SLC36A2: variants seen among roughly 807,000 people sequenced by gnomAD.
The protein encoded by SLC36A2 is proton-coupled amino acid transporter 2.
Under a neutral mutation model 42.7 loss-of-function variants are expected in SLC36A2, and 39 were observed. The ratio of observed to expected loss-of-function variants is 0.91; its 90% CI spans 0.71 to 1.19. SLC36A2 has a LOEUF of 1.19. Ranked by LOEUF, SLC36A2 falls within the 50% of genes most tolerant of loss-of-function variation. The probability of loss-of-function intolerance (pLI) is 0.00; values close to 1 mark genes in which losing one functional copy is unlikely to be tolerated. For synonymous variants in SLC36A2, 237 were observed against 240.8 expected (o/e 0.98, Z 0.15); for missense variants, 590 against 613.7 (o/e 0.96, Z 0.41).
chr5:151,317,596 A>G (rs1187135156), intron 9 of SLC36A2, among the ~76,000 whole-genome samples: 2 of 151,932 alleles, frequency 1.3e-5, no homozygotes, highest in African/African-American at 4.8e-5. Flanking sequence ...AGCCAGGCAT[A>G]GTGGCACATT....
In SLC36A2 at chr5:151,335,527, G is replaced by A. The variant is rs141062628; in HGVS notation, c.546C>T (p.Ser182=). The A allele has an allele frequency of 3.0e-5, 48 of 1,613,824 alleles. No homozygotes were observed. The African/African-American group carries it at 6.1e-4, about 21-fold the overall frequency. Residue 182 remains serine, a synonymous_variant, in exon 6 of 10, where the codon AGC becomes AGT. Transcript: ENST00000335244. The part of the protein sequence containing the change: ...NLKQVVEAVN[S]TTNNCYSNET... ...CATTGGAATAGCAGTTGTTGGTTGTGCTATTAACAGCTTCCACTACCTGAG... is the reference window on the plus strand; with the variant it reads ...CATTGGAATAGCAGTTGTTGGTTGTACTATTAACAGCTTCCACTACCTGAG...
chr5:151,317,033 G>A lies in SLC36A2; in HGVS notation c.1236C>T (p.Ser412=), dbSNP rs139985763. 5.6e-6 allele frequency: 9 copies of A among 1,613,968 alleles called. No individual in the cohort carries two copies. Among genetic ancestry groups the A allele is most frequent in the Admixed American group, 5.0e-5 (3 of 60,002 alleles). ...TGAGGGCCAGGGCGGTGCCACTCAC[G>A]GAGCCCACCAGGGAGATGACCAGGT... is the stretch of plus-strand genomic sequence containing the variant. ...RLDLVISLVG[S]VSGTALALII... is the part of the protein sequence containing the mutation. Residue 412 remains serine (S), a synonymous_variant, in exon 10 of 10, where the codon TCC becomes TCT. Transcript: ENST00000335244.
At chr5:151,334,677 CGA>C (rs1561657645) in intron 6 of SLC36A2, among the ~76,000 whole-genome samples, 1 of 151,400 alleles carries the variant, frequency 6.6e-6, no homozygotes, top group Non-Finnish European at 1.5e-5. Context: ...GGTGAAAGAT[CGA>C]GAGTCTGTCT....
chr5:151,338,852 A>G (rs1242216688), intron 5 of SLC36A2: 2 of 469,490 alleles, frequency 4.3e-6, no homozygotes, highest in Non-Finnish European at 8.2e-6. Context: ...GAACAGGTCT[A>G]AGATACCGGA....
chr5:151,324,310 T>TTTA (rs1755789898), intron 8 of SLC36A2, among the ~76,000 whole-genome samples: 2 of 115,534 alleles, frequency 1.7e-5, no homozygotes, highest in African/African-American at 7.8e-5. Flanking sequence ...GCCTGGCTTA[T>TTTA]TTATTTATTT....
At chr5:151,340,403 G>C (rs912584371) in intron 4 of SLC36A2, among the ~76,000 whole-genome samples, 1 of 152,184 alleles carries the variant, frequency 6.6e-6, no homozygotes, top group Admixed American at 6.5e-5. Context: ...GGAGACGTTC[G>C]GGACACAACT....
intron 9 of SLC36A2, among the ~76,000 whole-genome samples, chr5:151,318,530 ATTATTTATAAATAT>A (rs1259968208): frequency 2.8e-5 from 4 of 143,716 alleles, no homozygotes; most frequent in African/African-American, 1.0e-4. Context: ...AAATATAATA[ATTATTTATAAATAT>A]TTATTTATAA....
At chr5:151,321,439 C>G (rs1041768633) in intron 9 of SLC36A2, among the ~76,000 whole-genome samples, 1 of 151,258 alleles carries the variant, frequency 6.6e-6, no homozygotes, top group African/African-American at 2.4e-5. Flanking sequence ...CTGCCTTGAC[C>G]TCTCAAAGTG....
At chr5:151,318,478 ATT>A (rs1755575559) in intron 9 of SLC36A2, among the ~76,000 whole-genome samples, 2 of 142,510 alleles carry the variant, frequency 1.4e-5, no homozygotes, top group African/African-American at 5.1e-5. Flanking sequence ...AATAAAATAT[ATT>A]TTATATATTT....
chr5:151,335,984 CAG>C (rs1756144147), intron 5 of SLC36A2, among the ~76,000 whole-genome samples: 1 of 146,240 alleles, frequency 6.8e-6, no homozygotes, highest in Non-Finnish European at 1.5e-5. Flanking sequence ...GCCTGGGCAA[CAG>C]AGTAAGGCCC....
intron 8 of SLC36A2, among the ~76,000 whole-genome samples, chr5:151,324,125 T>C (rs1286545258): frequency 6.6e-6 from 1 of 152,174 alleles, no homozygotes; most frequent in African/African-American, 2.4e-5. Flanking sequence ...CAGATTCCAA[T>C]GGTCTTCCCA....
At position 151,326,812 on chromosome 5, in the gene SLC36A2, C is replaced by CTTTTTTTTTTTTTTT. The variant is rs5872202; in HGVS notation, c.844-1361_844-1360insAAAAAAAAAAAAAAA. Among the ~76,000 whole-genome samples the CTTTTTTTTTTTTTTT allele has an allele frequency of 3.5e-5, 5 of 142,282 alleles. 1 individual carries two copies. Among genetic ancestry groups the CTTTTTTTTTTTTTTT allele is most frequent in the Non-Finnish European group, 6.0e-5 (4 of 66,232 alleles). 93.3% of individuals were successfully genotyped at this position (142,282 alleles called of 152,430 possible). The stretch of plus-strand genomic sequence containing the variant: ...TGAAAACGGGCTCAAATGAATTTAC[C>CTTTTTTTTTTTTTTT]TTTTTTTTTTTTTCTTTTTTGGAGA... On this transcript the variant is annotated intron_variant, in intron 7 of 9. Coordinates refer to ENST00000335244, the MANE Select transcript of SLC36A2 (RefSeq NM_181776.3).
At chr5:151,337,472 A>G (rs1756193367) in intron 5 of SLC36A2, among the ~76,000 whole-genome samples, 1 of 152,168 alleles carries the variant, frequency 6.6e-6, no homozygotes, top group Non-Finnish European at 1.5e-5. Flanking sequence ...AACACACTCT[A>G]CTTGGCTGTA....
intron 7 of SLC36A2, among the ~76,000 whole-genome samples, chr5:151,330,050 A>C (rs78736052): frequency 0.03 from 4,597 of 152,220 alleles, 98 homozygotes; most frequent in South Asian, 0.042. Flanking sequence ...CCTGGAACCA[A>C]TGTCCTATAT....
intron 9 of SLC36A2, among the ~76,000 whole-genome samples, chr5:151,318,497 TA>T (rs1227965158): frequency 4.7e-5 from 6 of 127,352 alleles, no homozygotes; most frequent in African/African-American, 2.1e-4. Flanking sequence ...ATTTTATCTA[TA>T]ATAAAAATAA....
At chr5:151,343,922 T>G (rs1406916572) in intron 2 of SLC36A2, among the ~76,000 whole-genome samples, 2 of 152,146 alleles carry the variant, frequency 1.3e-5, no homozygotes, top group African/African-American at 4.8e-5. Flanking sequence ...CTTGGAAAAC[T>G]GGGCATAGTC....
chr5:151,338,164 T>A (rs184739664), intron 5 of SLC36A2, among the ~76,000 whole-genome samples: 1 of 152,334 alleles, frequency 6.6e-6, no homozygotes, highest in East Asian at 1.9e-4. Flanking sequence ...CTCTGAAAGC[T>A]TACTACATTT....
In SLC36A2 at chr5:151,322,110, C is replaced by T; in HGVS notation, c.1116G>A (p.Arg372=). 6.2e-7 allele frequency: 1 copy of T among 1,614,106 alleles called. No individual in the cohort carries two copies. Among genetic ancestry groups the T allele is most frequent in the Non-Finnish European group, 8.5e-7 (1 of 1,180,012 alleles). Residue 372 remains arginine, a synonymous_variant, in exon 9 of 10, where the codon CGG becomes CGA. Coordinates refer to ENST00000335244, the MANE Select transcript of SLC36A2 (RefSeq NM_181776.3). Reference sequence around the variant, plus strand: ...GAGGCAGTGCCCAGCGTGTTGACACCCGGGAGATGGCAAAGGGGATGATGA... The same window carrying T: ...GAGGCAGTGCCCAGCGTGTTGACACTCGGGAGATGGCAAAGGGGATGATGA... The part of the protein sequence containing the change: ...AEIIIPFAIS[R]VSTRWALPLD...
At chr5:151,328,630 G>C (rs905917826) in intron 7 of SLC36A2, among the ~76,000 whole-genome samples, 1 of 152,184 alleles carries the variant, frequency 6.6e-6, no homozygotes, top group African/African-American at 2.4e-5. Context: ...GGTCACACAG[G>C]CACCTAAAAA....
Sources: gnomAD v4.1 joint callset for allele counts (sites outside exome capture counted in the v4.1 genomes callset) on GRCh38, gnomAD v4.1.1 for gene constraint, MANE v1.5 for transcripts, NCBI Gene and HGNC (gene_info 2026-07-23, HGNC 2026-07-21) for gene names.